The following KCNQ2 variants were observed in gnomAD, a reference collection of about 807,000 sequenced individuals.
KCNQ2 encodes the protein potassium voltage-gated channel subfamily Q member 2, also known as potassium voltage-gated channel subfamily KQT member 2.
A neutral mutation model predicts 84.8 loss-of-function variants in KCNQ2; 14 were observed. The ratio of observed to expected loss-of-function variants is 0.17; its 90% CI spans 0.11 to 0.26. The LOEUF is 0.26. KCNQ2 is among the 10% of genes least tolerant of loss of function. The pLI is 1.00. For missense variants in KCNQ2, 788 were observed against 1,254.0 expected (o/e 0.63, Z 5.61); for synonymous variants, 599 against 554.1 (o/e 1.08, Z -1.14).
Position 63,431,360 on chromosome 20 carries a change from A to C in KCNQ2, c.1128T>G (p.Thr376=). The C allele has an allele frequency of 6.2e-7, 1 of 1,613,872 alleles. No individual in the cohort carries two copies. Among genetic ancestry groups the C allele is most frequent in the Non-Finnish European group, 8.5e-7 (1 of 1,179,946 alleles). ...TVTVPMYSSQ[T]QTYGASRLIP... ...CCTACCTGGAGGCCCCGTAGGTTTG[A>C]GTTTGCGAACTTTCAAGTGTTTCCA... The change falls in exon 9 of 17, where the codon ACT becomes ACG. Residue 376 remains threonine (T), a synonymous_variant. Transcript: ENST00000359125.
In KCNQ2 at chr20:63,406,846, C is replaced by A; in HGVS notation, c.2417G>T (p.Ser806Ile). The change falls in exon 17 of 17, where the codon AGC (serine) becomes ATC (isoleucine). Residue 806 changes from serine to isoleucine, a missense_variant. Ser to Ile is a moderately radical substitution (Grantham distance 142). Coordinates refer to ENST00000359125, the MANE Select transcript of KCNQ2 (RefSeq NM_172107.4). ...CAGGTTCTCCTTGGACTGGGAGATG[C>A]TGAAGCCGCTGAAGGAACGCTCCAG... ...EELERSFSGFSISQSKENLDA... is the reference protein window; with the variant it reads ...EELERSFSGFIISQSKENLDA... 1 of 1,612,322 alleles carries A rather than the reference C, an allele frequency of 6.2e-7. No individual in the cohort carries two copies. Among genetic ancestry groups the A allele is most frequent in the Non-Finnish European group, 8.5e-7 (1 of 1,179,746 alleles).
At chr20:63,445,503 C>CTCCCAAAGGG in intron 2 of KCNQ2, 139 bp from the exon 3 acceptor site, 2 of 857,392 alleles carry the variant, frequency 2.3e-6, no homozygotes, top group South Asian at 3.5e-5. Context: ...GCAAGCTGAC[C>CTCCCAAAGGG]CCCCCACCCC....
intron 1 of KCNQ2, among the ~76,000 whole-genome samples, chr20:63,465,865 G>A (rs1056272975): frequency 5.3e-5 from 8 of 152,154 alleles, no homozygotes; most frequent in Non-Finnish European, 8.8e-5. Context: ...CGCCGTTTCC[G>A]CTCGACGCTC....
intron 1 of KCNQ2, among the ~76,000 whole-genome samples, chr20:63,464,460 C>T (rs375323470): frequency 2.6e-5 from 4 of 152,088 alleles, no homozygotes; most frequent in African/African-American, 4.8e-5. Flanking sequence ...CCCGTCGCCC[C>T]GTCCTCCACC....
chr20:63,441,538 C>T (rs1366691567), intron 5 of KCNQ2, among the ~76,000 whole-genome samples: 1 of 152,120 alleles, frequency 6.6e-6, no homozygotes, highest in East Asian at 1.9e-4. Flanking sequence ...GGCTGTTGCC[C>T]ACAAAAGACC....
rs1184493574 is a variant in KCNQ2, at chr20:63,407,041, C to A, written c.2222G>T (p.Arg741Leu). Residue 741 changes from arginine (R) to leucine (L), a missense_variant, in exon 17 of 17, where the codon CGC becomes CTC. Physicochemically the swap from Arg to Leu is moderately radical, Grantham distance 102 (BLOSUM62 -2). Coordinates refer to ENST00000359125, the MANE Select transcript of KCNQ2 (RefSeq NM_172107.4). This position sits in a 1 kb window ranked among gnomAD's most constrained non-coding sequence, Gnocchi z 7.2. Reference sequence around the variant, plus strand: ...CTCGTGGGCAGGCGGCGGCGGGATGCGCACCAGGGAGCCGTGGTCCCCCAC... The same window carrying A: ...CTCGTGGGCAGGCGGCGGCGGGATGAGCACCAGGGAGCCGTGGTCCCCCAC... Reference protein sequence around the residue: ...SPVGDHGSLVRIPPPPAHERS... With the variant: ...SPVGDHGSLVLIPPPPAHERS... 1.3e-6 allele frequency: 2 copies of A among 1,517,688 alleles called. No individual in the cohort carries two copies. The highest frequency in any genetic ancestry group is 2.0e-5 in the Admixed American group (1 of 49,304). 94.0% of individuals were successfully genotyped at this position (1,517,688 alleles called of 1,614,324 possible). A position where few individuals can be genotyped will look rare whatever the true frequency, so the allele number is the denominator to read the frequency against.
rs1477570175 is a variant in KCNQ2 at position 63,414,988 on chromosome 20, C to T, written c.1440G>A (p.Val480=). Residue 480 remains valine, a synonymous_variant, in exon 13 of 17, where the codon GTG becomes GTA. Coordinates refer to ENST00000359125, the MANE Select transcript of KCNQ2 (RefSeq NM_172107.4). The surrounding 1 kb of genome is among the most constrained non-coding windows in gnomAD (Gnocchi z 6.6). ...GGTCCCCGAAGCTCCAGCTCTTGGG[C>T]ACCTTGCTGGGGCTGTCCTCGAGGC... ...DQSLEDSPSK[V]PKSWSFGDRS... The T allele has an allele frequency of 6.2e-7, 1 of 1,611,846 alleles. No homozygotes were observed. The highest frequency in any genetic ancestry group is 1.1e-5 in the South Asian group (1 of 91,034).
At chr20:63,442,948 C>T (rs200135225) in intron 4 of KCNQ2, among the ~76,000 whole-genome samples, 3 of 66,108 alleles carry the variant, frequency 4.5e-5, no homozygotes, top group Admixed American at 1.5e-4. Flanking sequence ...CCACCATCAC[C>T]ATCATCACCA....
chr20:63,452,521 G>A (rs956271756), intron 1 of KCNQ2, among the ~76,000 whole-genome samples: 1 of 152,224 alleles, frequency 6.6e-6, no homozygotes, highest in Non-Finnish European at 1.5e-5. Flanking sequence ...CAGCAGCGTC[G>A]AGGCAGGTGC....
At chr20:63,452,772 G>C (rs2081651613) in intron 1 of KCNQ2, among the ~76,000 whole-genome samples, 1 of 152,130 alleles carries the variant, frequency 6.6e-6, no homozygotes, top group Non-Finnish European at 1.5e-5. Context: ...CCACACACCT[G>C]CCCAGGACCC....
intron 10 of KCNQ2, 170 bp from the exon 11 acceptor site, chr20:63,424,376 GC>G: frequency 1.3e-6 from 1 of 751,468 alleles, no homozygotes; most frequent in Non-Finnish European, 2.2e-6. Context: ...AGAGCCCACG[GC>G]CCCAGGAACG....
chr20:63,407,451 A>AC lies in KCNQ2; in HGVS notation c.1888-77_1888-76insG, dbSNP rs2079983434. On this transcript the variant is annotated intron_variant, in intron 16 of 16. Coordinates refer to ENST00000359125, the MANE Select transcript of KCNQ2 (RefSeq NM_172107.4). This position sits in a 1 kb window ranked among gnomAD's most constrained non-coding sequence, Gnocchi z 7.2. Reference sequence around the variant, plus strand: ...TGGGGACCCAGGCTGCTCCCAGGAAATGGGGGGGCCCAGGCTGGTTCCAGG... The same window carrying AC: ...TGGGGACCCAGGCTGCTCCCAGGAAACTGGGGGGGCCCAGGCTGGTTCCAGG... 4 of 1,520,324 alleles carry AC rather than the reference A, an allele frequency of 2.6e-6. No homozygotes were observed. The highest frequency in any genetic ancestry group is 3.6e-6 in the Non-Finnish European group (4 of 1,120,102). The allele number at this position is 1,520,324 out of a possible 1,614,324, so 94.2% of individuals were successfully genotyped here.
rs190392379 is a variant in KCNQ2, at chr20:63,426,987, G to A, written c.1217+1380C>T. Among the ~76,000 whole-genome samples, 4 of 152,208 alleles carry A rather than the reference G, an allele frequency of 2.6e-5. No homozygotes were observed. The East Asian group carries it at 5.8e-4, about 22-fold the overall frequency. On this transcript the variant is annotated intron_variant, in intron 10 of 16. Transcript: ENST00000359125. Reference sequence around the variant, plus strand: ...TGTAATCCCAGCACTTTGGGAGGCCGAGACGGGCAGAGCCCTTGAGGTCAG... The same window carrying A: ...TGTAATCCCAGCACTTTGGGAGGCCAAGACGGGCAGAGCCCTTGAGGTCAG...
chr20:63,418,446 G>C (rs755225446), intron 12 of KCNQ2, among the ~76,000 whole-genome samples: 2 of 152,194 alleles, frequency 1.3e-5, no homozygotes, highest in Admixed American at 1.3e-4. Flanking sequence ...GCTGGTGTCC[G>C]GACCAACGAC....
chr20:63,445,274 G>A lies in KCNQ2; in HGVS notation c.478C>T (p.Arg160Trp), dbSNP rs2081378361. ...AACGGTTTCCGGGCAAACTTGAGCCGCCCCCTCCAGCCACGGTACCGGCAG... is the reference window on the plus strand; with the variant it reads ...AACGGTTTCCGGGCAAACTTGAGCCACCCCCTCCAGCCACGGTACCGGCAG... The part of the protein sequence containing the change: ...CCCRYRGWRG[R>W]LKFARKPFCV... The change falls in exon 3 of 17, where the codon CGG (arginine) becomes TGG (tryptophan). Residue 160 changes from arginine to tryptophan, a missense_variant. This residue lies in a region of KCNQ2 where 106 missense variants were observed against 214.8 expected (regional missense o/e 0.49). Coordinates refer to ENST00000359125, the MANE Select transcript of KCNQ2 (RefSeq NM_172107.4). The A allele has an allele frequency of 6.2e-7, 1 of 1,613,744 alleles. No individual in the cohort carries two copies. The highest frequency in any genetic ancestry group is 8.5e-7 in the Non-Finnish European group (1 of 1,180,010).
At chr20:63,439,850 A>G in intron 5 of KCNQ2, 142 bp from the exon 6 acceptor site, 1 of 714,136 alleles carries the variant, frequency 1.4e-6, no homozygotes, top group Non-Finnish European at 2.5e-6. Context: ...AGGCCCAGTG[A>G]GGCCAGGGTC....
Position 63,406,181 on chromosome 20 carries a change from C to A in KCNQ2, c.*463G>T. 6.1e-6 allele frequency: 1 copy of A among 165,262 alleles called. No homozygotes were observed. The highest frequency in any genetic ancestry group is 1.3e-5 in the Non-Finnish European group (1 of 75,616). 10.2% of individuals were successfully genotyped at this position (165,262 alleles called of 1,614,324 possible). On this transcript the variant is annotated 3_prime_UTR_variant, in exon 17 of 17. Transcript: ENST00000359125. ...CACCCGCCTGTAGCTGCCCGGAAAC[C>A]CCACCGGGACCCAAGGCCGCAGGTC...
At chr20:63,457,281 C>G (rs984752580) in intron 1 of KCNQ2, among the ~76,000 whole-genome samples, 2 of 152,236 alleles carry the variant, frequency 1.3e-5, no homozygotes, top group Admixed American at 1.3e-4. Flanking sequence ...AGGCCAGGGT[C>G]CACCCTCATT....
intron 1 of KCNQ2, among the ~76,000 whole-genome samples, chr20:63,453,364 C>G (rs1429991125): frequency 6.6e-6 from 1 of 152,252 alleles, no homozygotes; most frequent in Non-Finnish European, 1.5e-5. Context: ...GGCAGACAAA[C>G]CATACGCAAG....
Sources: gnomAD v4.1 joint callset for allele counts (sites outside exome capture counted in the v4.1 genomes callset) on GRCh38, gnomAD v4.1.1 for gene constraint, gnomAD v4.1.1 regional missense constraint, Gnocchi (gnomAD v3.1) non-coding constraint, MANE v1.5 for transcripts, NCBI Gene and HGNC (gene_info 2026-07-23, HGNC 2026-07-21) for gene names.